The following KMT2E variants were observed in gnomAD, a reference collection of about 807,000 sequenced individuals.
The protein encoded by KMT2E is lysine methyltransferase 2E (inactive).
In KMT2E, 30 loss-of-function variants were observed where a neutral mutation model predicts 184.6. That is an observed-to-expected ratio of 0.16 (90% CI 0.12 to 0.22). The LOEUF is 0.22. KMT2E is among the 10% of genes least tolerant of loss of function. The pLI is 1.00. For missense variants in KMT2E, 2,023 were observed against 2,237.4 expected, an observed-to-expected ratio of 0.90 and a Z score of 1.93; for synonymous variants, 815 against 776.5, an observed-to-expected ratio of 1.05 and a Z score of -0.82.
intron 3 of KMT2E, among the ~76,000 whole-genome samples, chr7:105,055,474 TC>T (rs994451314): frequency 4.3e-4 from 66 of 152,334 alleles, no homozygotes; most frequent in African/African-American, 1.5e-3. Context: ...CTTTAACTGT[TC>T]TGAATTTTAG....
chr7:105,076,180 G>A (rs540932525), intron 9 of KMT2E, 99 bp downstream of exon 9: 36 of 833,044 alleles, frequency 4.3e-5, no homozygotes, highest in Middle Eastern at 4.5e-4. Context: ...TGTTTATTGT[G>A]TGTCATGTCT....
chr7:105,108,002 G>T (rs770927840), intron 22 of KMT2E, 77 bp downstream of exon 22: 127 of 990,744 alleles, frequency 1.3e-4, no homozygotes, highest in Non-Finnish European at 1.8e-4. Context: ...GGAATTGTTA[G>T]ATGTATTATG....
At chr7:105,036,696 G>A (rs781611517) in intron 1 of KMT2E, among the ~76,000 whole-genome samples, 2 of 152,186 alleles carry the variant, frequency 1.3e-5, no homozygotes, top group Non-Finnish European at 2.9e-5. Context: ...ATAACCACTA[G>A]TTGGGGAAGT....
At chr7:105,089,938 TA>T in intron 13 of KMT2E, 70 bp from the exon 14 acceptor site, 1 of 1,565,014 alleles carries the variant, frequency 6.4e-7, no homozygotes, top group Non-Finnish European at 8.6e-7. Flanking sequence ...AGTTGCAGCT[TA>T]AAATGGATTA....
chr7:105,038,602 C>A (rs1383950172), intron 2 of KMT2E: 3 of 152,270 alleles, frequency 2.0e-5, no homozygotes, highest in East Asian at 3.9e-4. Flanking sequence ...ACCTCATGAT[C>A]CACCCGCCTC....
intron 15 of KMT2E, among the ~76,000 whole-genome samples, chr7:105,091,834 CT>C (rs1444823855): frequency 6.6e-6 from 1 of 151,936 alleles, no homozygotes; most frequent in African/African-American, 2.4e-5. Context: ...ATTTACAAAT[CT>C]TTTATCTGTA....
intron 3 of KMT2E, among the ~76,000 whole-genome samples, chr7:105,049,857 C>CTCCAGCCTAGAATGTACCAAAATG (rs1319831438): frequency 5.3e-5 from 8 of 152,120 alleles, no homozygotes; most frequent in African/African-American, 1.9e-4. Flanking sequence ...TGCCACTGCA[C>CTCCAGCCTAGAATGTACCAAAATG]TCCAGCCTGG....
At chr7:105,079,773 C>G (rs1797682158) in intron 12 of KMT2E, among the ~76,000 whole-genome samples, 1 of 151,368 alleles carries the variant, frequency 6.6e-6, no homozygotes, top group African/African-American at 2.4e-5. Context: ...ATCCTTCTGC[C>G]TTAGCCTCCC....
intron 11 of KMT2E, chr7:105,077,884 G>C (rs1300384849): frequency 6.4e-6 from 1 of 156,594 alleles, no homozygotes; most frequent in African/African-American, 2.4e-5. Context: ...GTTAGATTGG[G>C]TCCTACATTA....
chr7:105,107,141 A>G, intron 20 of KMT2E, 25 bp from the exon 21 acceptor site: 4 of 1,265,464 alleles, frequency 3.2e-6, no homozygotes, highest in East Asian at 4.8e-5. Flanking sequence ...TAAATTTTCA[A>G]TTCTAATTCT....
At chr7:105,057,767 A>G (rs1046043167) in intron 3 of KMT2E, among the ~76,000 whole-genome samples, 1 of 152,090 alleles carries the variant, frequency 6.6e-6, no homozygotes, top group African/African-American at 2.4e-5. Flanking sequence ...AGTATTTTAA[A>G]ACAAATTCCC....
chr7:105,096,795 T>C (rs1798430018), intron 15 of KMT2E, among the ~76,000 whole-genome samples: 1 of 152,216 alleles, frequency 6.6e-6, no homozygotes, highest in South Asian at 2.1e-4. Context: ...TAATGGATGA[T>C]CTGGAGGCCT....
intron 4 of KMT2E, among the ~76,000 whole-genome samples, chr7:105,062,907 T>TA (rs1345790605): frequency 6.6e-6 from 1 of 151,876 alleles, no homozygotes; most frequent in Non-Finnish European, 1.5e-5. Flanking sequence ...TTACTAAATT[T>TA]AAAAAACTAT....
At chr7:105,106,122 T>C (rs1263981395) in intron 19 of KMT2E, 119 bp downstream of exon 19, 6 of 1,037,550 alleles carry the variant, frequency 5.8e-6, no homozygotes, top group African/African-American at 3.2e-5. Context: ...CATTGGTGTA[T>C]AGATTTTCTC....
chr7:105,021,865 A>G (rs10261472), intron 1 of KMT2E, among the ~76,000 whole-genome samples: 41,034 of 152,076 alleles, frequency 0.27, 8,084 homozygotes, highest in East Asian at 0.58. Context: ...GAGGAATGCT[A>G]AAAAACCAAG....
chr7:105,042,316 T>C (rs181004235), intron 3 of KMT2E, among the ~76,000 whole-genome samples: 1 of 152,232 alleles, frequency 6.6e-6, no homozygotes, highest in East Asian at 1.9e-4. Flanking sequence ...CTTAGGGTAA[T>C]GCTGAATTTT....
chr7:105,023,418 AAAAAG>A (rs1322699210), intron 1 of KMT2E, among the ~76,000 whole-genome samples: 7 of 150,746 alleles, frequency 4.6e-5, no homozygotes, highest in African/African-American at 1.2e-4. Flanking sequence ...AAAAAAAAAA[AAAAAG>A]AGAGACAAAA....
At chr7:105,087,587 C>T (rs1486796243) in intron 13 of KMT2E, among the ~76,000 whole-genome samples, 4 of 151,608 alleles carry the variant, frequency 2.6e-5, no homozygotes, top group Non-Finnish European at 5.9e-5. Flanking sequence ...CCACGCCTAG[C>T]TAATTTTTTG....
intron 3 of KMT2E, among the ~76,000 whole-genome samples, chr7:105,045,307 T>C (rs558617803): frequency 2.0e-5 from 3 of 152,346 alleles, no homozygotes; most frequent in African/African-American, 4.8e-5. Context: ...TGTGGTAAAA[T>C]AGATACAACA....
Sources: allele counts gnomAD v4.1 joint callset (sites outside exome capture counted in the v4.1 genomes callset), GRCh38; gene constraint gnomAD v4.1.1; transcripts MANE v1.5; gene names NCBI Gene and HGNC (gene_info 2026-07-23, HGNC 2026-07-21).